Variants in TSHZ3 observed in about 807,000 individuals in gnomAD.
The protein encoded by TSHZ3 is teashirt homolog 3.
In TSHZ3, 10 loss-of-function variants were observed where a neutral mutation model predicts 64.5. The ratio of observed to expected loss-of-function variants is 0.16; its 90% CI spans 0.10 to 0.26. The LOEUF (loss-of-function observed/expected upper bound fraction) is 0.26, where lower values mean the gene tolerates loss of function less well. Among genes scored for constraint, TSHZ3 ranks in the 10% least tolerant of loss-of-function variants. The pLI is 1.00. For synonymous variants in TSHZ3, 608 were observed against 593.1 expected (o/e 1.03, Z -0.36); for missense variants, 1,242 against 1,421.7 (o/e 0.87, Z 2.03).
At chr19:31,319,948 A>C (rs1916715624) in intron 1 of TSHZ3, among the ~76,000 whole-genome samples, 1 of 151,944 alleles carries the variant, frequency 6.6e-6, no homozygotes, top group Admixed American at 6.6e-5. Flanking sequence ...AGTTGATAGA[A>C]GTGATGGAGA....
intron 1 of TSHZ3, among the ~76,000 whole-genome samples, chr19:31,338,424 C>T (rs1917318516): frequency 6.6e-6 from 1 of 152,104 alleles, no homozygotes; most frequent in South Asian, 2.1e-4. Context: ...GGGCAGGGAG[C>T]CGCAAAAGAT....
intron 5 of TSHZ3, among the ~76,000 whole-genome samples, chr19:31,185,114 A>AC (rs1599568069): frequency 1.3e-5 from 2 of 151,364 alleles, no homozygotes; most frequent in Admixed American, 6.6e-5. Context: ...CAAAAAAAAA[A>AC]ACACAAGGGG....
intron 1 of TSHZ3, among the ~76,000 whole-genome samples, chr19:31,321,633 G>A (rs1176713667): frequency 2.6e-5 from 4 of 152,114 alleles, no homozygotes; most frequent in African/African-American, 9.7e-5. Context: ...ATGTATCCTC[G>A]TTTCCCCACA....
Position 31,223,728 on chromosome 19 carries a change from G to A in TSHZ3, n.686+4277C>T, listed in dbSNP as rs1975421351. Among the ~76,000 whole-genome samples, 10 of 152,138 alleles carry A rather than the reference G, an allele frequency of 6.6e-5. No individual in the cohort carries two copies. The South Asian group carries it at 2.1e-3, about 32-fold the overall frequency. On this transcript the variant is annotated intron_variant and non_coding_transcript_variant, in intron 4 of 6. Coordinates refer to the TSHZ3 transcript ENST00000651361. Reference sequence around the variant, plus strand: ...TTCCTGTCCTGGAAGAATTTTTCATGGAAGATAAAATATGGAAAGTGGGGG... The same window carrying A: ...TTCCTGTCCTGGAAGAATTTTTCATAGAAGATAAAATATGGAAAGTGGGGG...
At chr19:31,164,157 A>T (rs1974410514) in intron 5 of TSHZ3, among the ~76,000 whole-genome samples, 1 of 152,154 alleles carries the variant, frequency 6.6e-6, no homozygotes, top group South Asian at 2.1e-4. Flanking sequence ...GGGGATAGGC[A>T]TTGGAGCAAC....
chr19:31,229,501 G>A (rs570911446), intron 3 of TSHZ3, among the ~76,000 whole-genome samples: 6 of 151,942 alleles, frequency 3.9e-5, no homozygotes, highest in Non-Finnish European at 7.4e-5. Flanking sequence ...AATGTCAAGC[G>A]GATTATAAAT....
At chr19:31,297,484 A>AT (rs913950956) in intron 1 of TSHZ3, among the ~76,000 whole-genome samples, 7 of 151,590 alleles carry the variant, frequency 4.6e-5, no homozygotes, top group South Asian at 2.1e-4. Context: ...CTAATTTTTT[A>AT]TTTTTTTTAA....
At chr19:31,327,942 C>T (rs1430516693) in intron 1 of TSHZ3, among the ~76,000 whole-genome samples, 3 of 152,240 alleles carry the variant, frequency 2.0e-5, no homozygotes, top group African/African-American at 4.8e-5. Flanking sequence ...CAAACCAATA[C>T]ATCGGCTGTC....
rs1296805540 is a variant in TSHZ3, at chr19:31,215,825, C to G, written n.687-10747G>C. ...GGCGGAGCTTGCAGTGAGCCGAGAT[C>G]GTGCCCCTGCACTCCAGCCTTGGCG... On this transcript the variant is annotated intron_variant and non_coding_transcript_variant, in intron 4 of 6. Transcript: ENST00000651361. Among the ~76,000 whole-genome samples, 10 of 151,980 alleles carry G rather than the reference C, an allele frequency of 6.6e-5. No homozygotes were observed. In the East Asian group the frequency reaches 7.7e-4, roughly 12 times the overall value.
chr19:31,343,944 G>A (rs903625162), intron 1 of TSHZ3, among the ~76,000 whole-genome samples: 2 of 151,910 alleles, frequency 1.3e-5, no homozygotes, highest in African/African-American at 2.4e-5. Context: ...TGCATGTATC[G>A]GGACACTTTA....
chr19:31,294,397 C>G lies in TSHZ3; in HGVS notation c.41-14645G>C, dbSNP rs1387459420. Reference sequence around the variant, plus strand: ...ACTCAGCCAGCCCTGACCCAGCACTCAGCCAGCGGCACTCAGTCAGCACTT... The same window carrying G: ...ACTCAGCCAGCCCTGACCCAGCACTGAGCCAGCGGCACTCAGTCAGCACTT... On this transcript the variant is annotated intron_variant, in intron 1 of 1. Coordinates refer to ENST00000240587, the MANE Select transcript of TSHZ3 (RefSeq NM_020856.4). Among the ~76,000 whole-genome samples the G allele has an allele frequency of 2.6e-5, 4 of 152,076 alleles. No homozygotes were observed. In the East Asian group the frequency reaches 5.8e-4, roughly 22 times the overall value.
At chr19:31,307,930 TAA>T (rs751394479) in intron 1 of TSHZ3, among the ~76,000 whole-genome samples, 121 of 152,318 alleles carry the variant, frequency 7.9e-4, no homozygotes, top group South Asian at 5.0e-3. Flanking sequence ...ATGACTCTCA[TAA>T]AGGGGCCACC....
chr19:31,347,488 C>T (rs1013014664), intron 1 of TSHZ3, among the ~76,000 whole-genome samples: 4 of 152,104 alleles, frequency 2.6e-5, no homozygotes, highest in Non-Finnish European at 5.9e-5. Context: ...CTGGAAGAAG[C>T]CCAAGACATT....
At chr19:31,220,412 T>C (rs1183566155) in intron 4 of TSHZ3, among the ~76,000 whole-genome samples, 2 of 148,888 alleles carry the variant, frequency 1.3e-5, no homozygotes, top group Non-Finnish European at 2.9e-5. Context: ...GGTTGTAAGT[T>C]AGACAGCAAC....
chr19:31,260,063 G>C (rs1975965389), intron 1 of TSHZ3, among the ~76,000 whole-genome samples: 1 of 152,138 alleles, frequency 6.6e-6, no homozygotes. Flanking sequence ...TGATTGTCCA[G>C]GTTAATTGTT....
intron 1 of TSHZ3, among the ~76,000 whole-genome samples, chr19:31,263,327 G>T (rs1222822469): frequency 6.6e-6 from 1 of 152,208 alleles, no homozygotes; most frequent in Non-Finnish European, 1.5e-5. Flanking sequence ...ATGGCAGGGG[G>T]TGGGGAGTGT....
rs937356101 is a variant in TSHZ3 at position 31,255,616 on chromosome 19, G to A, written n.64-12741C>T. The stretch of plus-strand genomic sequence containing the variant: ...CTGTCACTACAGCTGCTCCCCAAGC[G>A]GCTGTGTGTGGTTTTGGCCGGTGTC... On this transcript the variant is annotated intron_variant and non_coding_transcript_variant, in intron 1 of 6. Transcript: ENST00000651361. 2.3e-4 allele frequency among the ~76,000 whole-genome samples: 35 copies of A among 152,104 alleles called. 1 individual carries two copies. The highest frequency in any genetic ancestry group is 2.2e-3 in the Admixed American group (33 of 15,264).
At chr19:31,316,813 A>G (rs1916615918) in intron 1 of TSHZ3, among the ~76,000 whole-genome samples, 1 of 152,124 alleles carries the variant, frequency 6.6e-6, no homozygotes, top group African/African-American at 2.4e-5. Flanking sequence ...GACAGAAGCC[A>G]ACCCCCGCCC....
upstream of TSHZ3, among the ~76,000 whole-genome samples, chr19:31,350,589 C>T (rs1475273932): frequency 2.0e-5 from 3 of 151,588 alleles, no homozygotes; most frequent in Non-Finnish European, 2.9e-5. Context: ...GCCGGGGCTG[C>T]TGGACTAGAG....
Sources: allele counts gnomAD v4.1 joint callset (sites outside exome capture counted in the v4.1 genomes callset), GRCh38; gene constraint gnomAD v4.1.1; transcripts MANE v1.5; gene names NCBI Gene and HGNC (gene_info 2026-07-23, HGNC 2026-07-21).